The following FBXW10 variants were observed in gnomAD, a reference collection of about 807,000 sequenced individuals.
The protein encoded by FBXW10 is F-box/WD repeat-containing protein 10.
A neutral mutation model predicts 113.1 loss-of-function variants in FBXW10; 68 were observed. The ratio of observed to expected loss-of-function variants is 0.60; its 90% CI spans 0.49 to 0.74. The LOEUF (loss-of-function observed/expected upper bound fraction) is 0.74, where lower values mean the gene tolerates loss of function less well. Ranked by LOEUF, FBXW10 falls within the 30% of genes least tolerant of loss-of-function variation. The pLI is 0.00. For missense variants in FBXW10, 753 were observed against 1,284.5 expected (o/e 0.59, Z 6.32); for synonymous variants, 289 against 481.6 (o/e 0.60, Z 5.24).
intron 9 of FBXW10, among the ~76,000 whole-genome samples, chr17:18,768,030 CCT>C (rs2035534281): frequency 1.6e-5 from 1 of 63,352 alleles, no homozygotes; most frequent in Non-Finnish European, 3.3e-5. Context: ...TTCCTTTCTT[CCT>C]TCCTTCCTTC....
intron 7 of FBXW10, among the ~76,000 whole-genome samples, chr17:18,763,374 T>C (rs183479685): frequency 6.6e-6 from 1 of 151,988 alleles, no homozygotes; most frequent in Non-Finnish European, 1.5e-5. Context: ...GCCAGGATGG[T>C]CTCGATCTCC....
chr17:18,771,130 CTG>C (rs957749604), intron 11 of FBXW10, among the ~76,000 whole-genome samples: 76 of 151,642 alleles, frequency 5.0e-4, no homozygotes, highest in African/African-American at 1.8e-3. Context: ...AAACAAAACT[CTG>C]GCCATTTTTT....
At chr17:18,770,539 T>C (rs1221116485) in intron 11 of FBXW10, among the ~76,000 whole-genome samples, 2 of 151,990 alleles carry the variant, frequency 1.3e-5, no homozygotes, top group Non-Finnish European at 2.9e-5. Context: ...CCCGACCTCG[T>C]GATCCACCCG....
intron 11 of FBXW10, among the ~76,000 whole-genome samples, chr17:18,771,773 G>A (rs182607413): frequency 6.8e-4 from 103 of 152,246 alleles, no homozygotes; most frequent in African/African-American, 2.4e-3. Context: ...GGCACCCTAG[G>A]TACGTGGCAC....
chr17:18,757,265 C>T (rs1362649502), intron 6 of FBXW10, among the ~76,000 whole-genome samples: 9 of 152,232 alleles, frequency 5.9e-5, no homozygotes, highest in African/African-American at 1.9e-4. Context: ...CTCATTGTAA[C>T]CTCCACCTCC....
In FBXW10 at chr17:18,778,584, C is replaced by T. The variant is rs1423433850; in HGVS notation, c.2445C>T (p.Phe815=). 5.0e-6 allele frequency: 8 copies of T among 1,613,970 alleles called. No homozygotes were observed. Among genetic ancestry groups the T allele is most frequent in the Non-Finnish European group, 6.8e-6 (8 of 1,179,878 alleles). The part of the protein sequence containing the change: ...SWKIPMSPDQ[F]LLTVSALQHA... ...AAATCCCTATGTCACCTGACCAATT[C>T]CTCCTGACTGTTAGCGCCCTGCAGC... The change falls in exon 14 of 14, where the codon TTC becomes TTT. Residue 815 remains phenylalanine, a synonymous_variant. Coordinates refer to ENST00000395665, the MANE Select transcript of FBXW10 (RefSeq NM_001267585.2).
chr17:18,762,943 A>C (rs1362616129), intron 7 of FBXW10, among the ~76,000 whole-genome samples: 1 of 149,580 alleles, frequency 6.7e-6, no homozygotes, highest in Non-Finnish European at 1.5e-5. Flanking sequence ...TGCTAGAAAC[A>C]GAAATTCAAA....
chr17:18,748,253 A>C, intron 2 of FBXW10, 148 bp downstream of exon 2: 2 of 1,404,754 alleles, frequency 1.4e-6, no homozygotes, highest in South Asian at 3.0e-5. Flanking sequence ...CCCCGTCTCT[A>C]CTAAAAATAC....
chr17:18,775,004 C>T (rs1268968625), intron 12 of FBXW10, 132 bp from the exon 13 acceptor site: 1 of 611,028 alleles, frequency 1.6e-6, no homozygotes, highest in Non-Finnish European at 2.9e-6. Context: ...ATTATGTACC[C>T]ATAAAAAACA....
Position 18,767,943 on chromosome 17 carries a change from AC to A in FBXW10, c.1705-588del, listed in dbSNP as rs1323547643. 2.6e-5 allele frequency among the ~76,000 whole-genome samples: 4 copies of A among 151,828 alleles called. No homozygotes were observed. The East Asian group carries it at 7.7e-4, about 29-fold the overall frequency. On this transcript the variant is annotated intron_variant, in intron 9 of 13. Coordinates refer to ENST00000395665, the MANE Select transcript of FBXW10 (RefSeq NM_001267585.2). ...CCCACCCTGATCCCATTCCTCCTTAACCCGAGAGAGAGCTCTATGTGGAATG... is the reference window on the plus strand; with the variant it reads ...CCCACCCTGATCCCATTCCTCCTTAACCGAGAGAGAGCTCTATGTGGAATG...
intron 11 of FBXW10, among the ~76,000 whole-genome samples, chr17:18,770,767 T>G (rs1419076924): frequency 1.3e-5 from 2 of 152,108 alleles, no homozygotes; most frequent in African/African-American, 4.8e-5. Context: ...GCCTCACTTC[T>G]AATGCAAAGA....
In FBXW10 at chr17:18,744,534, AAG is replaced by A. The variant is rs573539157; in HGVS notation, c.293_294del (p.Glu98GlyfsTer14). ...AGGTCCCGGATCAACCTCAGCAAGA[AAG>A]AGGGGAAAGTTGTGAAGTCCTCCTT... On this transcript the variant is annotated frameshift_variant, in exon 1 of 14. Transcript: ENST00000395665. LOFTEE classifies it high-confidence loss of function. The A allele has an allele frequency of 1.6e-3, 2,660 of 1,614,010 alleles. 25 individuals carry two copies. In the African/African-American group the frequency reaches 0.023, roughly 14 times the overall value.
At position 18,744,066 on chromosome 17, in the gene FBXW10, G is replaced by A. The variant is rs2034987595; in HGVS notation, c.-179G>A. On this transcript the variant is annotated 5_prime_UTR_variant, in exon 1 of 14. Coordinates refer to ENST00000395665, the MANE Select transcript of FBXW10 (RefSeq NM_001267585.2). ...TGTACAAAAAGCCAGACTTCTGCTG[G>A]CAGTTACTGAGAGAGATAGGCTTTC... 1 of 902,662 alleles carries A rather than the reference G, an allele frequency of 1.1e-6. No homozygotes were observed. The allele number at this position is 902,662 out of a possible 1,614,324, so 55.9% of individuals were successfully genotyped here.
chr17:18,762,121 C>A (rs921245787), intron 7 of FBXW10, among the ~76,000 whole-genome samples: 37 of 151,472 alleles, frequency 2.4e-4, no homozygotes, highest in African/African-American at 8.7e-4. Context: ...CACCACCACG[C>A]CTGGCTAATT....
chr17:18,764,200 CTTTT>C (rs140032131), intron 7 of FBXW10, among the ~76,000 whole-genome samples: 1 of 116,600 alleles, frequency 8.6e-6, no homozygotes, highest in East Asian at 2.4e-4. Flanking sequence ...TGTAAATACT[CTTTT>C]TTTTTTTTTT....
intron 5 of FBXW10, among the ~76,000 whole-genome samples, chr17:18,752,158 G>GAC (rs2035183080): frequency 6.6e-6 from 1 of 152,166 alleles, no homozygotes; most frequent in African/African-American, 2.4e-5. Context: ...CCAGGCAGGT[G>GAC]ACACAAAGGA....
chr17:18,753,310 A>C (rs2035203748), intron 5 of FBXW10, among the ~76,000 whole-genome samples: 1 of 151,972 alleles, frequency 6.6e-6, no homozygotes, highest in African/African-American at 2.4e-5. Flanking sequence ...GCTAAAGCAG[A>C]CTCGGGGGTA....
At chr17:18,763,120 T>A (rs542238369) in intron 7 of FBXW10, among the ~76,000 whole-genome samples, 60 of 151,656 alleles carry the variant, frequency 4.0e-4, no homozygotes, top group Non-Finnish European at 6.5e-4. Context: ...ATCGTTTTTA[T>A]GTGCCAAGCC....
Position 18,756,066 on chromosome 17 carries a change from G to T in FBXW10, c.1144G>T (p.Ala382Ser), listed in dbSNP as rs147905984. The T allele has an allele frequency of 1.0e-4, 165 of 1,613,810 alleles. No homozygotes were observed. The highest frequency in any genetic ancestry group is 1.3e-4 in the Non-Finnish European group (156 of 1,179,852). Residue 382 changes from alanine to serine, a missense_variant, in exon 6 of 14, where the codon GCA becomes TCA. Physicochemically the swap from Ala to Ser is moderately conservative, Grantham distance 99. Transcript: ENST00000395665. Reference sequence around the variant, plus strand: ...TTAGAATGAGTACAACCTGTGGACTGCATACCAGAACGAGGAAACGCAGCA... The same window carrying T: ...TTAGAATGAGTACAACCTGTGGACTTCATACCAGAACGAGGAAACGCAGCA... The part of the protein sequence containing the change: ...RTKNEYNLWT[A>S]YQNEETQQVL...
Sources: allele counts gnomAD v4.1 joint callset (sites outside exome capture counted in the v4.1 genomes callset), GRCh38; gene constraint gnomAD v4.1.1; transcripts MANE v1.5; gene names NCBI Gene and HGNC (gene_info 2026-07-23, HGNC 2026-07-21).